Variants in FSTL4 observed in about 807,000 individuals in gnomAD.
FSTL4 encodes the protein follistatin like 4.
Under a neutral mutation model 78.2 loss-of-function variants are expected in FSTL4, and 28 were observed. The observed-to-expected ratio is 0.36, with a 90% CI of 0.27 to 0.49. FSTL4 has a LOEUF of 0.49. FSTL4 is among the 20% of genes least tolerant of loss of function. The pLI is 0.98. For missense variants in FSTL4, 922 were observed against 1,084.9 expected (o/e 0.85, Z 2.11); for synonymous variants, 422 against 440.5 (o/e 0.96, Z 0.53).
intron 3 of FSTL4, among the ~76,000 whole-genome samples, chr5:133,466,747 A>G (rs1757716304): frequency 6.6e-6 from 1 of 152,218 alleles, no homozygotes; most frequent in South Asian, 2.1e-4. Context: ...GGCAAGGGCA[A>G]CAGAGAGACA....
chr5:133,460,546 AGTC>A (rs1300718296), intron 3 of FSTL4, among the ~76,000 whole-genome samples: 1 of 152,340 alleles, frequency 6.6e-6, no homozygotes, highest in African/African-American at 2.4e-5. Context: ...GAAGCCTAAT[AGTC>A]GCAAGCCTCA....
intron 3 of FSTL4, among the ~76,000 whole-genome samples, chr5:133,555,947 G>A (rs963393550): frequency 3.3e-5 from 5 of 152,094 alleles, no homozygotes; most frequent in Non-Finnish European, 5.9e-5. Flanking sequence ...CCCCCACAAC[G>A]CATTGCCCAG....
chr5:133,322,186 C>T (rs1279146244), intron 4 of FSTL4, among the ~76,000 whole-genome samples: 1 of 151,394 alleles, frequency 6.6e-6, no homozygotes, highest in Non-Finnish European at 1.5e-5. Context: ...GCCCAATCCA[C>T]CTCGTCTGTA....
chr5:133,232,485 C>A (rs1415121184), intron 8 of FSTL4, among the ~76,000 whole-genome samples: 1 of 152,200 alleles, frequency 6.6e-6, no homozygotes, highest in African/African-American at 2.4e-5. Flanking sequence ...CTGTGTCCAC[C>A]AAATATAGCT....
intron 3 of FSTL4, among the ~76,000 whole-genome samples, chr5:133,425,420 G>C (rs755266251): frequency 1.3e-5 from 2 of 152,190 alleles, no homozygotes; most frequent in Non-Finnish European, 2.9e-5. Context: ...CTCCAGGCCT[G>C]AGGTTTAACA....
At position 133,317,819 on chromosome 5, in the gene FSTL4, G is replaced by C. The variant is rs77902420; in HGVS notation, c.410-1167C>G. Among the ~76,000 whole-genome samples the C allele has an allele frequency of 3.6e-3, 542 of 152,286 alleles. 4 individuals are homozygous for C. Among genetic ancestry groups the C allele is most frequent in the African/African-American group, 0.012 (495 of 41,566 alleles). On this transcript the variant is annotated intron_variant, in intron 4 of 15. Coordinates refer to ENST00000265342, the MANE Select transcript of FSTL4 (RefSeq NM_015082.2). Reference sequence around the variant, plus strand: ...CACATACAGGCCTTTGCACCAGCATGGCACCCAGTAAGGGCTCATAACATG... The same window carrying C: ...CACATACAGGCCTTTGCACCAGCATCGCACCCAGTAAGGGCTCATAACATG...
At chr5:133,583,237 A>G (rs1056188924) in intron 2 of FSTL4, 3 of 455,686 alleles carry the variant, frequency 6.6e-6, no homozygotes, top group Admixed American at 4.7e-5. Flanking sequence ...ACAGTAACCA[A>G]CTTGGCTGCC....
At position 133,315,308 on chromosome 5, in the gene FSTL4, C is replaced by T. The variant is rs150077678; in HGVS notation, c.603+1151G>A. On this transcript the variant is annotated intron_variant, in intron 5 of 15. Transcript: ENST00000265342. ...GTCTCCCAAGGTCCACTAGCTCATA[C>T]ATGCTGGACGCAGCACTTGACCTTA... 3.2e-3 allele frequency among the ~76,000 whole-genome samples: 486 copies of T among 152,336 alleles called. 5 individuals carry two copies. Among genetic ancestry groups the T allele is most frequent in the African/African-American group, 0.011 (469 of 41,576 alleles).
chr5:133,414,484 A>C (rs186902216), intron 3 of FSTL4, among the ~76,000 whole-genome samples: 17 of 152,264 alleles, frequency 1.1e-4, no homozygotes, highest in African/African-American at 4.1e-4. Flanking sequence ...AGGGTATGTA[A>C]ACCAAAACCA....
chr5:133,280,839 T>A (rs1240032126), intron 6 of FSTL4, among the ~76,000 whole-genome samples: 1 of 152,116 alleles, frequency 6.6e-6, no homozygotes, highest in Non-Finnish European at 1.5e-5. Context: ...TGTCTCCAGG[T>A]CTCCTGGACA....
At chr5:133,428,741 T>C (rs1580702728) in intron 3 of FSTL4, among the ~76,000 whole-genome samples, 1 of 152,338 alleles carries the variant, frequency 6.6e-6, no homozygotes, top group Non-Finnish European at 1.5e-5. Flanking sequence ...TCATCCTGGA[T>C]GCTCCTTGCT....
chr5:133,295,081 A>T (rs1753358153), intron 6 of FSTL4, among the ~76,000 whole-genome samples: 1 of 152,084 alleles, frequency 6.6e-6, no homozygotes, highest in Non-Finnish European at 1.5e-5. Context: ...CCTCCTCTGC[A>T]TCTGTCCCTC....
At chr5:133,832,087 C>T in the FSTL4 span, among the ~76,000 whole-genome samples, 1 of 152,178 alleles carries the variant, frequency 6.6e-6, no homozygotes, top group Non-Finnish European at 1.5e-5. Context: ...TTACTTAGCA[C>T]TTGCGGACTT....
In FSTL4 at chr5:133,612,296, CGCGCCCGCTGGGAGCT is replaced by C. The variant is rs1406382077; in HGVS notation, c.-11+13_-11+28del. ...GGCGCCAGCGACATGGCACCCTCCC[CGCGCCCGCTGGGAGCT>C]GCGCCCGCGTACCTGAGACGGCCGG... is the stretch of plus-strand genomic sequence containing the variant. On this transcript the variant is annotated intron_variant, in intron 1 of 15. Coordinates refer to ENST00000265342, the MANE Select transcript of FSTL4 (RefSeq NM_015082.2). This position sits in a 1 kb window ranked among gnomAD's most constrained non-coding sequence, Gnocchi z 6.2. 1.3e-5 allele frequency: 2 copies of C among 151,540 alleles called. No homozygotes were observed. Among genetic ancestry groups the C allele is most frequent in the Non-Finnish European group, 2.9e-5 (2 of 67,806 alleles). 9.4% of individuals were successfully genotyped at this position (151,540 alleles called of 1,614,324 possible).
chr5:133,272,044 G>A (rs919148012), intron 6 of FSTL4, among the ~76,000 whole-genome samples: 2 of 152,176 alleles, frequency 1.3e-5, no homozygotes, highest in Non-Finnish European at 2.9e-5. Flanking sequence ...TCCTAAGAGC[G>A]ACTCATGGTA....
intron 1 of FSTL4, among the ~76,000 whole-genome samples, chr5:133,605,103 TG>T (rs1324186139): frequency 2.6e-5 from 4 of 152,220 alleles, no homozygotes; most frequent in African/African-American, 9.6e-5. Context: ...TGTACTTTTT[TG>T]GAAAAAGTTT....
chr5:133,663,515 A>T, the FSTL4 span, among the ~76,000 whole-genome samples: 1 of 152,238 alleles, frequency 6.6e-6, no homozygotes, highest in Non-Finnish European at 1.5e-5. Context: ...TTTGTTTGAG[A>T]ATAGAAGTGC....
intron 2 of FSTL4, among the ~76,000 whole-genome samples, chr5:133,569,798 A>C (rs775332078): frequency 6.6e-6 from 1 of 152,166 alleles, no homozygotes; most frequent in Non-Finnish European, 1.5e-5. Flanking sequence ...TACTTTTAAA[A>C]ATATGCTGCT....
At chr5:133,545,843 T>G (rs1480863493) in intron 3 of FSTL4, among the ~76,000 whole-genome samples, 1 of 152,162 alleles carries the variant, frequency 6.6e-6, no homozygotes, top group Non-Finnish European at 1.5e-5. Context: ...TTCTCAGAGA[T>G]TATCTAAATG....
Sources: allele counts gnomAD v4.1 joint callset (sites outside exome capture counted in the v4.1 genomes callset), GRCh38; gene constraint gnomAD v4.1.1; non-coding constraint Gnocchi (gnomAD v3.1); transcripts MANE v1.5; gene names NCBI Gene and HGNC (gene_info 2026-07-23, HGNC 2026-07-21).